Variants in ARHGAP5 observed in about 807,000 individuals in gnomAD.
ARHGAP5 encodes rho GTPase-activating protein 5.
A neutral mutation model predicts 116.6 loss-of-function variants in ARHGAP5; 23 were observed. The ratio of observed to expected loss-of-function variants is 0.20; its 90% confidence interval spans 0.14 to 0.28. ARHGAP5 has a LOEUF of 0.28. Among genes scored for constraint, ARHGAP5 ranks in the 10% least tolerant of loss-of-function variants. The pLI is 1.00. For missense variants in ARHGAP5, 1,405 were observed against 1,774.8 expected (o/e 0.79, Z 3.74); for synonymous variants, 574 against 602.0 (o/e 0.95, Z 0.68).
At chr14:32,123,914 T>A (rs1403218185) in intron 3 of ARHGAP5, among the ~76,000 whole-genome samples, 1 of 152,160 alleles carries the variant, frequency 6.6e-6, no homozygotes, top group Non-Finnish European at 1.5e-5. Context: ...AAAGATCTTC[T>A]GAGAATAAAA....
chr14:32,120,275 C>T (rs187387609), intron 3 of ARHGAP5, among the ~76,000 whole-genome samples: 1 of 152,004 alleles, frequency 6.6e-6, no homozygotes, highest in Non-Finnish European at 1.5e-5. Flanking sequence ...TCTGTAGTGA[C>T]GTCTTTCTTC....
chr14:32,134,081 C>T (rs1880656911), intron 3 of ARHGAP5, among the ~76,000 whole-genome samples: 1 of 152,158 alleles, frequency 6.6e-6, no homozygotes, highest in Non-Finnish European at 1.5e-5. Context: ...CAATAAAATA[C>T]TGGCAAACCG....
In ARHGAP5 at chr14:32,093,653, G is replaced by A; in HGVS notation, c.2984G>A (p.Gly995Glu). The change falls in exon 2 of 7, where the codon GGG (glycine) becomes GAG (glutamate). Residue 995 changes from glycine (G) to glutamate (E), a missense_variant. Coordinates refer to ENST00000345122, the MANE Select transcript of ARHGAP5 (RefSeq NM_001030055.2). ...TEAPPPYSPI[G>E]DDVQLLPTPS... The stretch of plus-strand genomic sequence containing the variant: ...GCACCACCTCCTTATAGTCCAATTG[G>A]GGATGATGTACAGTTGCTTCCAACA... The A allele has an allele frequency of 6.2e-7, 1 of 1,613,814 alleles. No homozygotes were observed. Among genetic ancestry groups the A allele is most frequent in the Non-Finnish European group, 8.5e-7 (1 of 1,179,900 alleles).
At chr14:32,143,327 C>G (rs978835925) in intron 3 of ARHGAP5, among the ~76,000 whole-genome samples, 7 of 151,950 alleles carry the variant, frequency 4.6e-5, no homozygotes, top group African/African-American at 1.4e-4. Context: ...ACTGCAACCT[C>G]CGCCTCCCAG....
intron 1 of ARHGAP5, among the ~76,000 whole-genome samples, chr14:32,087,292 TA>T (rs2041839041): frequency 6.6e-6 from 1 of 152,038 alleles, no homozygotes; most frequent in South Asian, 2.1e-4. Context: ...TGTATATATA[TA>T]TGAACTATCT....
At chr14:32,126,738 T>C (rs1880172366) in intron 3 of ARHGAP5, among the ~76,000 whole-genome samples, 1 of 152,202 alleles carries the variant, frequency 6.6e-6, no homozygotes, top group Admixed American at 6.5e-5. Context: ...GATAATCATG[T>C]TATTTTTCTT....
At chr14:32,099,648 A>G (rs1023312469) in intron 2 of ARHGAP5, among the ~76,000 whole-genome samples, 9 of 152,184 alleles carry the variant, frequency 5.9e-5, no homozygotes, top group Admixed American at 3.3e-4. Flanking sequence ...GAAATACCTC[A>G]ATATACTCAG....
At chr14:32,109,441 A>G (rs1018561729) in intron 2 of ARHGAP5, among the ~76,000 whole-genome samples, 1 of 152,094 alleles carries the variant, frequency 6.6e-6, no homozygotes, top group African/African-American at 2.4e-5. Flanking sequence ...GTGTAATTAT[A>G]TTATCTCTCA....
Position 32,154,725 on chromosome 14 carries a change from C to G in ARHGAP5, c.4286C>G (p.Ser1429Cys), listed in dbSNP as rs1325742041. 5 of 1,613,974 alleles carry G rather than the reference C, an allele frequency of 3.1e-6. No homozygotes were observed. The African/African-American group carries it at 4.0e-5, about 13-fold the overall frequency. The change falls in exon 7 of 7, where the codon TCT becomes TGT. Residue 1429 changes from serine to cysteine, a missense_variant. By Grantham distance (112) the Ser-to-Cys change is moderately radical (BLOSUM62 -1). Transcript: ENST00000345122. ...GATTTTGAAAATCGAGAGTTTCTGT[C>G]TACTACTAAGATTCATCAATCTGTT... The part of the protein sequence containing the change: ...RPDFENREFL[S>C]TTKIHQSVVE...
chr14:32,137,798 C>G (rs1159139005), intron 3 of ARHGAP5, among the ~76,000 whole-genome samples: 1 of 151,600 alleles, frequency 6.6e-6, no homozygotes, highest in Non-Finnish European at 1.5e-5. Context: ...ATGATGAAAC[C>G]CCGTCTCTAC....
chr14:32,115,660 T>C (rs1879525768), intron 2 of ARHGAP5, among the ~76,000 whole-genome samples: 1 of 93,670 alleles, frequency 1.1e-5, no homozygotes, highest in Admixed American at 1.3e-4. Context: ...CCAGACTCCG[T>C]CTCAAAAAAA....
intron 2 of ARHGAP5, among the ~76,000 whole-genome samples, chr14:32,114,235 A>C (rs1226563062): frequency 6.6e-6 from 1 of 152,094 alleles, no homozygotes; most frequent in Non-Finnish European, 1.5e-5. Context: ...CTCAAAAAAA[A>C]AAAAAATCTA....
intron 2 of ARHGAP5, among the ~76,000 whole-genome samples, chr14:32,103,998 G>A (rs949298614): frequency 6.6e-6 from 1 of 152,156 alleles, no homozygotes; most frequent in Non-Finnish European, 1.5e-5. Context: ...TTTGGAAATT[G>A]TTCTTAGCCT....
Position 32,091,184 on chromosome 14 carries a change from A to G in ARHGAP5, c.515A>G (p.Lys172Arg). The G allele has an allele frequency of 6.2e-7, 1 of 1,613,510 alleles. No homozygotes were observed. The highest frequency in any genetic ancestry group is 8.5e-7 in the Non-Finnish European group (1 of 1,179,618). Residue 172 changes from lysine to arginine, a missense_variant, in exon 2 of 7, where the codon AAG (lysine) becomes AGG (arginine). Around this residue, in one of 6 missense-constraint regions of ARHGAP5, gnomAD observed 190 missense variants for 314.9 expected, o/e 0.60. Coordinates refer to ENST00000345122, the MANE Select transcript of ARHGAP5 (RefSeq NM_001030055.2). ...CIDVSQGCNR[K>R]FDDQLKFVNN... is the part of the protein sequence containing the mutation. ...GATGTAAGTCAAGGATGCAATAGGA[A>G]GTTTGATGATCAACTTAAATTTGTG... is the stretch of plus-strand genomic sequence containing the variant.
intron 2 of ARHGAP5, among the ~76,000 whole-genome samples, chr14:32,108,542 G>A (rs1432758767): frequency 6.6e-6 from 1 of 152,030 alleles, no homozygotes; most frequent in Non-Finnish European, 1.5e-5. Context: ...TAATATGAGG[G>A]AGTTCCTATT....
rs559347577 is a variant in ARHGAP5 at position 32,114,607 on chromosome 14, T to C, written c.3718-2533T>C. Among the ~76,000 whole-genome samples, 5 of 152,320 alleles carry C rather than the reference T, an allele frequency of 3.3e-5. No homozygotes were observed. The South Asian group carries it at 1.0e-3, about 32-fold the overall frequency. ...AACATTCCAGACACCTAGTTGTGTT[T>C]GGTTTAATCTGCACTTAACAGAGTT... On this transcript the variant is annotated intron_variant, in intron 2 of 6. Coordinates refer to ENST00000345122, the MANE Select transcript of ARHGAP5 (RefSeq NM_001030055.2).
At chr14:32,132,144 C>T (rs1402164577) in intron 3 of ARHGAP5, among the ~76,000 whole-genome samples, 2 of 152,080 alleles carry the variant, frequency 1.3e-5, no homozygotes, top group Admixed American at 6.6e-5. Flanking sequence ...GTTCTAGATC[C>T]CTGAGGAATC....
In ARHGAP5 at chr14:32,121,420, T is replaced by G. The variant is rs536899747; in HGVS notation, c.3865+4133T>G. The stretch of plus-strand genomic sequence containing the variant: ...GATTACCTTCAAGTGATATACCACT[T>G]TAATGTGTTTTATAAGAACCTTAGA... On this transcript the variant is annotated intron_variant, in intron 3 of 6. Transcript: ENST00000345122. Among the ~76,000 whole-genome samples the G allele has an allele frequency of 1.1e-4, 17 of 152,316 alleles. No individual in the cohort carries two copies. In the South Asian group the frequency reaches 3.1e-3, roughly 28 times the overall value.
At chr14:32,095,408 T>A (rs1337171784) in intron 2 of ARHGAP5, among the ~76,000 whole-genome samples, 1 of 149,878 alleles carries the variant, frequency 6.7e-6, no homozygotes, top group Non-Finnish European at 1.5e-5. Context: ...TTTGTTTTTT[T>A]TTTTTTTGTT....
Sources: gnomAD v4.1 joint callset for allele counts (sites outside exome capture counted in the v4.1 genomes callset) on GRCh38, gnomAD v4.1.1 for gene constraint, gnomAD v4.1.1 regional missense constraint, MANE v1.5 for transcripts, NCBI Gene and HGNC (gene_info 2026-07-23, HGNC 2026-07-21) for gene names.